Variants in MOB3B observed in about 807,000 individuals in gnomAD.
The protein encoded by MOB3B is MOB kinase activator-like 2B.
In MOB3B, 7 loss-of-function variants were observed where a neutral mutation model predicts 18.7. The observed-to-expected ratio is 0.37, with a 90% confidence interval of 0.21 to 0.70. The LOEUF is 0.70. Among genes scored for constraint, MOB3B ranks in the 30% least tolerant of loss-of-function variants. MOB3B has a pLI of 0.52. For synonymous variants in MOB3B, 111 were observed against 99.9 expected, an observed-to-expected ratio of 1.11 and a Z score of -0.66; for missense variants, 253 against 281.3, an observed-to-expected ratio of 0.90 and a Z score of 0.72.
chr9:27,450,406 A>C (rs1195050123), intron 2 of MOB3B, among the ~76,000 whole-genome samples: 3 of 152,184 alleles, frequency 2.0e-5, no homozygotes, highest in African/African-American at 7.2e-5. Context: ...GAGGGTTTTC[A>C]TGAGGCTAAG....
chr9:27,473,335 G>T (rs1373461954), intron 1 of MOB3B, among the ~76,000 whole-genome samples: 1 of 152,134 alleles, frequency 6.6e-6, no homozygotes, highest in East Asian at 1.9e-4. Context: ...AAAGGGGGAG[G>T]GTGGGGTCGT....
chr9:27,353,949 C>G (rs921403936), intron 3 of MOB3B, among the ~76,000 whole-genome samples: 8 of 152,240 alleles, frequency 5.3e-5, no homozygotes, highest in Non-Finnish European at 1.2e-4. Context: ...TTTCCTCCAA[C>G]AAGGAACTTG....
intron 3 of MOB3B, among the ~76,000 whole-genome samples, chr9:27,350,930 C>A (rs1282825528): frequency 1.4e-5 from 2 of 145,112 alleles, no homozygotes; most frequent in Non-Finnish European, 3.0e-5. Flanking sequence ...AAGACGAAGT[C>A]TCGCTGTTGT....
At chr9:27,512,325 T>C (rs1820159933) in intron 1 of MOB3B, among the ~76,000 whole-genome samples, 2 of 152,168 alleles carry the variant, frequency 1.3e-5, no homozygotes, top group Non-Finnish European at 1.5e-5. Flanking sequence ...TTGCAGAACA[T>C]TATGAGATTA....
chr9:27,379,909 C>T (rs935301647), intron 2 of MOB3B, among the ~76,000 whole-genome samples: 48 of 152,110 alleles, frequency 3.2e-4, no homozygotes, highest in African/African-American at 7.5e-4. Context: ...TACTGCTATT[C>T]GCTCACCTAA....
chr9:27,385,472 G>T (rs372508362), intron 2 of MOB3B, among the ~76,000 whole-genome samples: 1 of 152,104 alleles, frequency 6.6e-6, no homozygotes, highest in Admixed American at 6.5e-5. Context: ...GAGGTGTCAG[G>T]GTGGTGAGGG....
intron 1 of MOB3B, among the ~76,000 whole-genome samples, chr9:27,475,819 A>G (rs1476351985): frequency 1.3e-5 from 2 of 152,076 alleles, no homozygotes; most frequent in Non-Finnish European, 2.9e-5. Context: ...CACACCCTCC[A>G]CCACAACTAC....
At chr9:27,454,157 G>A (rs1019433810) in intron 2 of MOB3B, among the ~76,000 whole-genome samples, 4 of 152,046 alleles carry the variant, frequency 2.6e-5, no homozygotes, top group Admixed American at 1.3e-4. Flanking sequence ...TTCCATACAC[G>A]CCCTTCTCAA....
At chr9:27,504,188 C>G (rs919721990) in intron 1 of MOB3B, among the ~76,000 whole-genome samples, 1 of 152,194 alleles carries the variant, frequency 6.6e-6, no homozygotes, top group African/African-American at 2.4e-5. Flanking sequence ...CACATTTATA[C>G]GTTGGTATTC....
rs556484174 is a variant in MOB3B, at chr9:27,502,532, C to A, written c.-199+27023G>T. Among the ~76,000 whole-genome samples the A allele has an allele frequency of 4.6e-5, 7 of 152,314 alleles. No individual in the cohort carries two copies. In the South Asian group the frequency reaches 1.5e-3, roughly 32 times the overall value. On this transcript the variant is annotated intron_variant, in intron 1 of 3. Transcript: ENST00000262244. ...GTTTAAGCACAAAAACACCCATCAG[C>A]CAACTGAGGACTGTTGTGTGAAGAC...
chr9:27,512,113 C>A (rs1212624906), intron 1 of MOB3B, among the ~76,000 whole-genome samples: 1 of 152,140 alleles, frequency 6.6e-6, no homozygotes, highest in Non-Finnish European at 1.5e-5. Flanking sequence ...TAAAGGAAAC[C>A]ACATGGAAGA....
chr9:27,357,034 A>C (rs1821199082), intron 3 of MOB3B, among the ~76,000 whole-genome samples: 1 of 148,506 alleles, frequency 6.7e-6, no homozygotes, highest in Non-Finnish European at 1.5e-5. Flanking sequence ...AAATGAAGAA[A>C]ATAGGCTCTT....
intron 1 of MOB3B, among the ~76,000 whole-genome samples, chr9:27,468,755 C>G (rs540296704): frequency 1.3e-5 from 2 of 152,310 alleles, no homozygotes; most frequent in South Asian, 4.2e-4. Flanking sequence ...TCAAATACCG[C>G]ACAGATAAAC....
intron 2 of MOB3B, among the ~76,000 whole-genome samples, chr9:27,423,509 T>G (rs1043142555): frequency 6.6e-6 from 1 of 151,908 alleles, no homozygotes; most frequent in Admixed American, 6.6e-5. Context: ...TATACCCTGA[T>G]CCTTAAAGAA....
chr9:27,446,227 G>A (rs1822690497), intron 2 of MOB3B, among the ~76,000 whole-genome samples: 1 of 99,034 alleles, frequency 1.0e-5, no homozygotes, highest in Admixed American at 9.5e-5. Flanking sequence ...CCAATTTTTG[G>A]GAATACATCT....
intron 2 of MOB3B, among the ~76,000 whole-genome samples, chr9:27,449,994 A>C (rs1563871692): frequency 6.6e-6 from 1 of 151,864 alleles, no homozygotes; most frequent in Non-Finnish European, 1.5e-5. Flanking sequence ...TAAAAAAAAA[A>C]AAAAAAAAAC....
In MOB3B at chr9:27,525,683, C is replaced by T. The variant is rs186550165; in HGVS notation, c.-199+3872G>A. Among the ~76,000 whole-genome samples the T allele has an allele frequency of 3.1e-4, 47 of 151,604 alleles. No individual in the cohort carries two copies. The East Asian group carries it at 8.8e-3, about 29-fold the overall frequency. On this transcript the variant is annotated intron_variant, in intron 1 of 3. Coordinates refer to ENST00000262244, the MANE Select transcript of MOB3B (RefSeq NM_024761.5). ...ATTGTTTGATTCCTACATCTAAAGGCATGGAAAATGCTGTGGAAAAGTATG... is the reference window on the plus strand; with the variant it reads ...ATTGTTTGATTCCTACATCTAAAGGTATGGAAAATGCTGTGGAAAAGTATG...
intron 1 of MOB3B, among the ~76,000 whole-genome samples, chr9:27,463,385 C>T (rs1819323929): frequency 6.6e-6 from 1 of 152,094 alleles, no homozygotes; most frequent in Non-Finnish European, 1.5e-5. Context: ...GACTCCAAAC[C>T]TCTTACCACC....
chr9:27,455,532 G>C lies in MOB3B; in HGVS notation c.19C>G (p.Gln7Glu). ...AAGGTCTTGTCCTTGTTGAATACCT[G>C]CTTCAGGGCTATGGACATGGTCTTC... is the stretch of plus-strand genomic sequence containing the variant. The part of the protein sequence containing the change: MSIALK[Q>E]VFNKDKTFRP... Residue 7 changes from glutamine to glutamate, a missense_variant, in exon 2 of 4, where the codon CAG becomes GAG. Coordinates refer to ENST00000262244, the MANE Select transcript of MOB3B (RefSeq NM_024761.5). 1 of 1,614,146 alleles carries C rather than the reference G, an allele frequency of 6.2e-7. No individual in the cohort carries two copies. The highest frequency in any genetic ancestry group is 8.5e-7 in the Non-Finnish European group (1 of 1,180,026).
Sources: gnomAD v4.1 joint callset for allele counts (sites outside exome capture counted in the v4.1 genomes callset) on GRCh38, gnomAD v4.1.1 for gene constraint, MANE v1.5 for transcripts, NCBI Gene and HGNC (gene_info 2026-07-23, HGNC 2026-07-21) for gene names.